The following PHLPP2 variants were observed in gnomAD, a reference collection of about 807,000 sequenced individuals.
PHLPP2 encodes PH domain and leucine rich repeat protein phosphatase 2, also known as PH domain leucine-rich repeat-containing protein phosphatase 2.
PHLPP2 carries 66 observed loss-of-function variants against 124.9 expected under a neutral mutation model. The observed-to-expected ratio is 0.53, with a 90% CI of 0.43 to 0.65. The LOEUF is 0.65. Ranked by LOEUF, PHLPP2 falls within the 30% of genes least tolerant of loss-of-function variation. The pLI is 0.00. For synonymous variants in PHLPP2, 681 were observed against 624.7 expected, an observed-to-expected ratio of 1.09 and a Z score of -1.34; for missense variants, 1,685 against 1,600.4, an observed-to-expected ratio of 1.05 and a Z score of -0.90.
intron 10 of PHLPP2, among the ~76,000 whole-genome samples, chr16:71,671,000 T>C (rs1043426528): frequency 3.9e-5 from 6 of 152,108 alleles, no homozygotes; most frequent in Non-Finnish European, 7.4e-5. Flanking sequence ...CTGAGGGAGG[T>C]AGATGCTGAG....
chr16:71,717,213 C>T (rs1022948384), intron 1 of PHLPP2, among the ~76,000 whole-genome samples: 2 of 152,086 alleles, frequency 1.3e-5, no homozygotes, highest in Non-Finnish European at 2.9e-5. Context: ...ATAAATACAG[C>T]AAATACTATT....
chr16:71,688,707 C>T (rs549580801), intron 4 of PHLPP2, among the ~76,000 whole-genome samples: 1 of 149,690 alleles, frequency 6.7e-6, no homozygotes, highest in South Asian at 2.1e-4. Context: ...CTGCTGCTTC[C>T]TCTCCACCAA....
At chr16:71,704,110 C>T in intron 2 of PHLPP2, among the ~76,000 whole-genome samples, 1 of 151,882 alleles carries the variant, frequency 6.6e-6, no homozygotes, top group Non-Finnish European at 1.5e-5. Context: ...ATCACGAGGT[C>T]AGGAGATGGC....
chr16:71,649,477 A>G lies in PHLPP2; in HGVS notation c.3385T>C (p.Phe1129Leu). Reference sequence around the variant, plus strand: ...GTAGCAGAAGAAGGCTGGCGCTGAAACAGCCCAGAGGTGGGTGTTGGGTGG... The same window carrying G: ...GTAGCAGAAGAAGGCTGGCGCTGAAGCAGCCCAGAGGTGGGTGTTGGGTGG... ...SLHPTPTSGL[F>L]QRQPSSATFS... The change falls in exon 19 of 19, where the codon TTT (phenylalanine) becomes CTT (leucine). Residue 1129 changes from phenylalanine (F) to leucine (L), a missense_variant. Coordinates refer to ENST00000568954, the MANE Select transcript of PHLPP2 (RefSeq NM_015020.3). 1.2e-6 allele frequency: 2 copies of G among 1,614,106 alleles called. No individual in the cohort carries two copies. Among genetic ancestry groups the G allele is most frequent in the Non-Finnish European group, 1.7e-6 (2 of 1,180,014 alleles).
intron 2 of PHLPP2, among the ~76,000 whole-genome samples, chr16:71,709,849 T>C (rs1358645966): frequency 3.9e-5 from 6 of 152,160 alleles, no homozygotes; most frequent in South Asian, 4.1e-4. Context: ...TTTTCTTTTT[T>C]TTCTGAGACA....
rs1458378295 is a variant in PHLPP2 at position 71,690,677 on chromosome 16, T to C, written c.451A>G (p.Ile151Val). ...KPCHMDRLDRILLSGIYNVRK... is the reference protein window; with the variant it reads ...KPCHMDRLDRVLLSGIYNVRK... ...ACATTATAGATGCCAGACAATAGGATTCGATCCAAACGATCCATGTGGCAT... is the reference window on the plus strand; with the variant it reads ...ACATTATAGATGCCAGACAATAGGACTCGATCCAAACGATCCATGTGGCAT... The change falls in exon 4 of 19, where the codon ATC (isoleucine) becomes GTC (valine). Residue 151 changes from isoleucine to valine, a missense_variant. Coordinates refer to ENST00000568954, the MANE Select transcript of PHLPP2 (RefSeq NM_015020.3). 2.5e-6 allele frequency: 4 copies of C among 1,613,432 alleles called. No homozygotes were observed. Among genetic ancestry groups the C allele is most frequent in the East Asian group, 2.2e-5 (1 of 44,892 alleles).
At chr16:71,719,218 T>C (rs1042889770) in intron 1 of PHLPP2, among the ~76,000 whole-genome samples, 5 of 152,214 alleles carry the variant, frequency 3.3e-5, no homozygotes, top group Admixed American at 6.5e-5. Flanking sequence ...CAAACAAGTA[T>C]ACAAAGAGCG....
Position 71,644,951 on chromosome 16 carries a change from C to A in PHLPP2, c.*3939G>T. ...TTAAAACAAAGCCATGAAAAAGATTCCACTTTATTTTATTTATTATTGTTA... is the reference window on the plus strand; with the variant it reads ...TTAAAACAAAGCCATGAAAAAGATTACACTTTATTTTATTTATTATTGTTA... On this transcript the variant is annotated 3_prime_UTR_variant, in exon 19 of 19. Transcript: ENST00000568954. 3.2e-6 allele frequency: 1 copy of A among 313,986 alleles called. No individual in the cohort carries two copies. Among genetic ancestry groups the A allele is most frequent in the Non-Finnish European group, 6.3e-6 (1 of 158,840 alleles). The allele number at this position is 313,986 out of a possible 1,614,324, so 19.4% of individuals were successfully genotyped here.
At chr16:71,686,290 A>G (rs1597004768) in intron 4 of PHLPP2, among the ~76,000 whole-genome samples, 1 of 152,170 alleles carries the variant, frequency 6.6e-6, no homozygotes, top group South Asian at 2.1e-4. Flanking sequence ...CTCCCGCCTT[A>G]GCTTCCTGAG....
At chr16:71,720,456 G>T (rs1271639057) in intron 1 of PHLPP2, among the ~76,000 whole-genome samples, 2 of 152,080 alleles carry the variant, frequency 1.3e-5, no homozygotes, top group African/African-American at 4.8e-5. Flanking sequence ...TTCCATGAGG[G>T]CAATGATCAG....
chr16:71,723,687 G>A, intron 1 of PHLPP2: 3 of 605,460 alleles, frequency 5.0e-6, no homozygotes, highest in South Asian at 3.2e-5. Flanking sequence ...GGCGGCAGCG[G>A]CCTCTAGCCT....
Position 71,657,179 on chromosome 16 carries a change from G to C in PHLPP2, c.2280-498C>G, listed in dbSNP as rs1439151574. Among the ~76,000 whole-genome samples, 6 of 151,976 alleles carry C rather than the reference G, an allele frequency of 3.9e-5. No homozygotes were observed. The East Asian group carries it at 1.2e-3, about 30-fold the overall frequency. ...GCTGGTCTCGAACTCCTGACCTCAAGTGATCCGCCCGCCTCGGCCTCCCAA... is the reference window on the plus strand; with the variant it reads ...GCTGGTCTCGAACTCCTGACCTCAACTGATCCGCCCGCCTCGGCCTCCCAA... On this transcript the variant is annotated intron_variant, in intron 15 of 18. Transcript: ENST00000568954.
At chr16:71,707,796 C>T (rs1449877283) in intron 2 of PHLPP2, among the ~76,000 whole-genome samples, 1 of 152,200 alleles carries the variant, frequency 6.6e-6, no homozygotes, top group Non-Finnish European at 1.5e-5. Flanking sequence ...ATAGCACCTT[C>T]CTGAGTTCTG....
intron 6 of PHLPP2, among the ~76,000 whole-genome samples, chr16:71,681,493 A>G (rs577559849): frequency 6.6e-6 from 1 of 152,324 alleles, no homozygotes; most frequent in East Asian, 1.9e-4. Flanking sequence ...ACTTGGCAGC[A>G]GATCATACAT....
In PHLPP2 at chr16:71,664,037, T is replaced by C. The variant is rs373620337; in HGVS notation, c.1847A>G (p.Glu616Gly). Residue 616 changes from glutamate to glycine, a missense_variant, in exon 13 of 19, where the codon GAG becomes GGG. Physicochemically the swap from Glu to Gly is moderately conservative, Grantham distance 98. Coordinates refer to ENST00000568954, the MANE Select transcript of PHLPP2 (RefSeq NM_015020.3). ...LESLPSACTG[E>G]ESLSMLQLLY... ...CAGCTGCAGCATACTCAAACTCTCC[T>C]CTCCAGTGCAGGCGGATGGTAAAGA... The C allele has an allele frequency of 2.5e-6, 4 of 1,613,808 alleles. No homozygotes were observed. Among genetic ancestry groups the C allele is most frequent in the Non-Finnish European group, 2.5e-6 (3 of 1,179,836 alleles).
At chr16:71,686,057 G>A (rs1214662671) in intron 4 of PHLPP2, among the ~76,000 whole-genome samples, 1 of 152,196 alleles carries the variant, frequency 6.6e-6, no homozygotes, top group African/African-American at 2.4e-5. Context: ...AGTGAGCTGA[G>A]ATCGTGCCAC....
At chr16:71,713,604 T>C (rs1036196421) in intron 2 of PHLPP2, among the ~76,000 whole-genome samples, 1 of 152,148 alleles carries the variant, frequency 6.6e-6, no homozygotes, top group Non-Finnish European at 1.5e-5. Flanking sequence ...AAAATTATAG[T>C]AGACTCAAAA....
intron 9 of PHLPP2, among the ~76,000 whole-genome samples, chr16:71,672,801 C>T (rs2044906919): frequency 6.6e-6 from 1 of 152,214 alleles, no homozygotes; most frequent in Admixed American, 6.5e-5. Context: ...AGTCACTTCC[C>T]CTCAAGGAGT....
At position 71,720,557 on chromosome 16, in the gene PHLPP2, G is replaced by C. The variant is rs1463596118; in HGVS notation, c.-7+3772C>G. ...CTGGTAAAGTAACTCTCCATATTCA[G>C]TTAGTTCTGCAAGAATGTGAAATAC... On this transcript the variant is annotated intron_variant, in intron 1 of 18. Coordinates refer to ENST00000568954, the MANE Select transcript of PHLPP2 (RefSeq NM_015020.3). 2.6e-5 allele frequency among the ~76,000 whole-genome samples: 4 copies of C among 152,268 alleles called. No individual in the cohort carries two copies. The East Asian group carries it at 7.7e-4, about 29-fold the overall frequency.
Sources: gnomAD v4.1 joint callset for allele counts (sites outside exome capture counted in the v4.1 genomes callset) on GRCh38, gnomAD v4.1.1 for gene constraint, MANE v1.5 for transcripts, NCBI Gene and HGNC (gene_info 2026-07-23, HGNC 2026-07-21) for gene names.